Variants in KCNN2 observed in about 807,000 individuals in gnomAD.
KCNN2 encodes the protein potassium calcium-activated channel subfamily N member 2.
Under a neutral mutation model 55.5 loss-of-function variants are expected in KCNN2, and 24 were observed. The ratio of observed to expected loss-of-function variants is 0.43; its 90% confidence interval spans 0.31 to 0.61. The LOEUF (loss-of-function observed/expected upper bound fraction) is 0.61, where lower values mean the gene tolerates loss of function less well. KCNN2 is among the 20% of genes least tolerant of loss of function. The pLI is 0.08. For synonymous variants in KCNN2, 431 were observed against 336.1 expected (o/e 1.28, Z -3.09); for missense variants, 754 against 853.6 (o/e 0.88, Z 1.45).
At chr5:114,468,144 C>T (rs1761542581) in intron 4 of KCNN2, among the ~76,000 whole-genome samples, 1 of 152,104 alleles carries the variant, frequency 6.6e-6, no homozygotes, top group Non-Finnish European at 1.5e-5. Context: ...TTTGAAGACA[C>T]TTAGAGGGCA....
chr5:114,348,228 G>A (rs775592976), intron 2 of KCNN2, among the ~76,000 whole-genome samples: 11 of 138,418 alleles, frequency 7.9e-5, no homozygotes, highest in Admixed American at 1.6e-4. Flanking sequence ...TGATAGGAGA[G>A]CTAAAAGGTT....
At chr5:114,278,970 A>T (rs3112748) in intron 2 of KCNN2, among the ~76,000 whole-genome samples, 13 of 152,000 alleles carry the variant, frequency 8.6e-5, no homozygotes, top group African/African-American at 2.2e-4. Flanking sequence ...TGGGAGCTGC[A>T]GATCGGAGCT....
chr5:114,409,867 T>TTCTC (rs377480191), intron 3 of KCNN2, among the ~76,000 whole-genome samples: 189 of 150,092 alleles, frequency 1.3e-3, no homozygotes, highest in African/African-American at 4.4e-3. Context: ...GTAATAAAAA[T>TTCTC]TCTCTCTCTC....
Position 114,241,759 on chromosome 5 carries a change from T to C in KCNN2, c.-185+20194T>C, listed in dbSNP as rs1754636400. On this transcript the variant is annotated intron_variant, in intron 2 of 10. Transcript: ENST00000512097. ...ATATATACGTATATATATGTATATA[T>C]ATACGTATATATATACATATATACG... Among the ~76,000 whole-genome samples, 8 of 22,744 alleles carry C rather than the reference T, an allele frequency of 3.5e-4. 3 individuals carry two copies. Among genetic ancestry groups the C allele is most frequent in the East Asian group, 2.4e-3 (1 of 414 alleles). 14.9% of individuals were successfully genotyped at this position (22,744 alleles called of 152,430 possible). A position where few individuals can be genotyped will look rare whatever the true frequency, so the allele number is the denominator to read the frequency against.
intron 1 of KCNN2, among the ~76,000 whole-genome samples, chr5:114,179,176 A>G (rs1360758923): frequency 6.6e-6 from 1 of 152,186 alleles, no homozygotes; most frequent in African/African-American, 2.4e-5. Flanking sequence ...GCTTAACTAA[A>G]TGGTTCCAGC....
intron 1 of KCNN2, among the ~76,000 whole-genome samples, chr5:114,088,769 G>A (rs1751072245): frequency 6.6e-6 from 1 of 151,994 alleles, no homozygotes; most frequent in Admixed American, 6.6e-5. Flanking sequence ...CTAGGCGTCT[G>A]CCACCATTAT....
chr5:114,331,230 A>G (rs1375742000), intron 2 of KCNN2, among the ~76,000 whole-genome samples: 1 of 152,178 alleles, frequency 6.6e-6, no homozygotes, highest in Non-Finnish European at 1.5e-5. Context: ...AATGAAAGGG[A>G]AGTTTGAGAG....
At chr5:114,292,824 C>G (rs1395639118) in intron 2 of KCNN2, among the ~76,000 whole-genome samples, 1 of 152,214 alleles carries the variant, frequency 6.6e-6, no homozygotes, top group Non-Finnish European at 1.5e-5. Flanking sequence ...TACCCATGAG[C>G]ATGGAATATT....
At chr5:114,090,937 A>G (rs1357967171) in intron 1 of KCNN2, among the ~76,000 whole-genome samples, 3 of 152,122 alleles carry the variant, frequency 2.0e-5, no homozygotes, top group Non-Finnish European at 4.4e-5. Context: ...TCCAGGGTTC[A>G]AGTGATCTGC....
At chr5:114,068,732 A>G (rs898146073) in intron 1 of KCNN2, among the ~76,000 whole-genome samples, 10 of 152,240 alleles carry the variant, frequency 6.6e-5, no homozygotes, top group Admixed American at 1.3e-4. Flanking sequence ...AAGGAAAGAT[A>G]GGAGAGGAAG....
chr5:114,200,487 C>G (rs932270578), intron 1 of KCNN2, among the ~76,000 whole-genome samples: 9 of 151,982 alleles, frequency 5.9e-5, no homozygotes, highest in African/African-American at 2.2e-4. Context: ...TTTAAAATCA[C>G]TATTATGAGT....
At chr5:114,252,669 C>A (rs145127016) in intron 2 of KCNN2, among the ~76,000 whole-genome samples, 4,369 of 151,974 alleles carry the variant, frequency 0.029, 211 homozygotes, top group African/African-American at 0.099. Context: ...CCCCCCAACC[C>A]CCACCCCCCA....
chr5:114,493,133 A>G (rs1017624643), intron 6 of KCNN2, among the ~76,000 whole-genome samples: 1 of 152,112 alleles, frequency 6.6e-6, no homozygotes, highest in Admixed American at 6.6e-5. Flanking sequence ...TTAAATCCTT[A>G]TGAGTCTTTC....
At chr5:114,199,157 A>G (rs1753618608) in intron 1 of KCNN2, among the ~76,000 whole-genome samples, 1 of 152,076 alleles carries the variant, frequency 6.6e-6, no homozygotes, top group Non-Finnish European at 1.5e-5. Context: ...TGCTGAATCT[A>G]TCCTTTATCA....
chr5:114,193,713 C>T (rs1232918836), intron 1 of KCNN2, among the ~76,000 whole-genome samples: 1 of 152,062 alleles, frequency 6.6e-6, no homozygotes, highest in Non-Finnish European at 1.5e-5. Flanking sequence ...TGTTGAAAAC[C>T]TAATTCCCTT....
At chr5:114,342,176 C>T (rs1396617866) in intron 2 of KCNN2, among the ~76,000 whole-genome samples, 2 of 151,682 alleles carry the variant, frequency 1.3e-5, no homozygotes, top group African/African-American at 4.8e-5. Flanking sequence ...GCTGGGATTA[C>T]AGGCGTGAAC....
intron 1 of KCNN2, among the ~76,000 whole-genome samples, chr5:114,218,497 A>G (rs142229496): frequency 6.6e-6 from 1 of 152,226 alleles, no homozygotes; most frequent in Admixed American, 6.5e-5. Flanking sequence ...TTCAAAGGCT[A>G]CATACTGTAT....
At chr5:114,315,233 A>G (rs1756476943) in intron 2 of KCNN2, among the ~76,000 whole-genome samples, 1 of 152,110 alleles carries the variant, frequency 6.6e-6, no homozygotes, top group Admixed American at 6.6e-5. Context: ...TACCTGGTGA[A>G]TTCAATTAAT....
chr5:114,321,307 C>T (rs1756610032), intron 2 of KCNN2, among the ~76,000 whole-genome samples: 1 of 152,180 alleles, frequency 6.6e-6, no homozygotes, highest in South Asian at 2.1e-4. Context: ...CATGTGTGCC[C>T]CCAAACTCCA....
Sources: allele counts gnomAD v4.1 joint callset (sites outside exome capture counted in the v4.1 genomes callset), GRCh38; gene constraint gnomAD v4.1.1; transcripts MANE v1.5; gene names NCBI Gene and HGNC (gene_info 2026-07-23, HGNC 2026-07-21).